FGF12: variants seen among roughly 807,000 people sequenced by gnomAD.
FGF12 encodes the protein fibroblast growth factor 12, also known as fibroblast growth factor 12B.
FGF12 carries 14 observed loss-of-function variants against 23.6 expected under a neutral mutation model. That is an observed-to-expected ratio of 0.59 (90% CI 0.39 to 0.93). The LOEUF is 0.93. FGF12 is among the 40% of genes least tolerant of loss of function. FGF12 has a pLI of 0.00. For missense variants in FGF12, 175 were observed against 217.8 expected, an observed-to-expected ratio of 0.80 and a Z score of 1.24; for synonymous variants, 62 against 77.3, an observed-to-expected ratio of 0.80 and a Z score of 1.04.
At chr3:192,406,106 A>G (rs991222725) in intron 2 of FGF12, among the ~76,000 whole-genome samples, 1 of 152,268 alleles carries the variant, frequency 6.6e-6, no homozygotes, top group African/African-American at 2.4e-5. Flanking sequence ...AGAAAACAAT[A>G]AACTCAGAAA....
chr3:192,538,654 T>G (rs1725293089), intron 2 of FGF12, among the ~76,000 whole-genome samples: 1 of 152,192 alleles, frequency 6.6e-6, no homozygotes, highest in Non-Finnish European at 1.5e-5. Flanking sequence ...TCAAAATTTT[T>G]TTTCTATTTC....
chr3:192,668,194 T>A (rs1716969399), intron 2 of FGF12, among the ~76,000 whole-genome samples: 2 of 150,946 alleles, frequency 1.3e-5, no homozygotes. Context: ...AACGGTAGAA[T>A]AAGTAACTAA....
chr3:192,299,877 T>C (rs1180194081), intron 4 of FGF12, among the ~76,000 whole-genome samples: 1 of 152,208 alleles, frequency 6.6e-6, no homozygotes, highest in Non-Finnish European at 1.5e-5. Flanking sequence ...CAGTCTAAGA[T>C]AGTCTTTCCA....
chr3:192,351,184 C>T (rs1311007153), intron 3 of FGF12, among the ~76,000 whole-genome samples: 1 of 152,010 alleles, frequency 6.6e-6, no homozygotes, highest in Non-Finnish European at 1.5e-5. Context: ...ATCTTGTAGG[C>T]TTGCAAAATT....
intron 4 of FGF12, among the ~76,000 whole-genome samples, chr3:192,284,231 T>C (rs539299820): frequency 1.5e-4 from 23 of 152,272 alleles, no homozygotes; most frequent in African/African-American, 5.3e-4. Context: ...GGAAAGTTCT[T>C]GATGAGGAGG....
In FGF12 at chr3:192,170,186, G is replaced by A. The variant is rs2046918; in HGVS notation, c.427+272C>T. Among the ~76,000 whole-genome samples, 56,044 of 140,394 alleles carry A rather than the reference G, an allele frequency of 0.4. 13,575 individuals are homozygous for A. Among genetic ancestry groups the A allele is most frequent in the African/African-American group, 0.68 (24,743 of 36,364 alleles). 92.1% of individuals were successfully genotyped at this position (140,394 alleles called of 152,430 possible). ...GATTCCCAGCTACTACGGAGGCTGA[G>A]GCAGGAGAATTGCTCGAATCCGGGA... On this transcript the variant is annotated intron_variant, in intron 5 of 5. Coordinates refer to ENST00000445105, the MANE Select transcript of FGF12 (RefSeq NM_004113.6).
intron 4 of FGF12, among the ~76,000 whole-genome samples, chr3:192,293,241 G>GA (rs11306855): frequency 2.7e-4 from 40 of 150,862 alleles, no homozygotes; most frequent in African/African-American, 3.6e-4. Flanking sequence ...GATGTTTACT[G>GA]AAAAAAAAAT....
chr3:192,578,005 T>G (rs904005594), intron 2 of FGF12, among the ~76,000 whole-genome samples: 2 of 152,112 alleles, frequency 1.3e-5, no homozygotes, highest in Admixed American at 6.6e-5. Flanking sequence ...CAAGGTCTAG[T>G]GAAAGGGGTT....
chr3:192,522,026 A>G (rs7635163), intron 2 of FGF12, among the ~76,000 whole-genome samples: 120,834 of 152,004 alleles, frequency 0.79, 49,726 homozygotes, highest in Non-Finnish European at 0.9. Context: ...GTGAAACCCC[A>G]TCTCTACTAA....
At position 192,645,967 on chromosome 3, in the gene FGF12, C is replaced by A. The variant is rs115342527; in HGVS notation, c.13+81214G>T. ...ACTGAGTTGGGGAGTAGGAGATGGTCAGAGCCTCTCTGAAATATGGGCATT... is the reference window on the plus strand; with the variant it reads ...ACTGAGTTGGGGAGTAGGAGATGGTAAGAGCCTCTCTGAAATATGGGCATT... On this transcript the variant is annotated intron_variant, in intron 2 of 5. Transcript: ENST00000445105. 8.4e-3 allele frequency among the ~76,000 whole-genome samples: 1,283 copies of A among 151,944 alleles called. 13 individuals carry two copies. The highest frequency in any genetic ancestry group is 0.029 in the African/African-American group (1,210 of 41,458).
intron 4 of FGF12, among the ~76,000 whole-genome samples, chr3:192,326,193 A>G (rs4687320): frequency 0.22 from 32,878 of 152,126 alleles, 4,242 homozygotes; most frequent in East Asian, 0.35. Context: ...AAAAGCATTA[A>G]GAACAAATTC....
In FGF12 at chr3:192,540,505, C is replaced by T. The variant is rs576445095; in HGVS notation, c.14-179967G>A. 3.5e-4 allele frequency among the ~76,000 whole-genome samples: 53 copies of T among 152,162 alleles called. 1 individual carries two copies. The South Asian group carries it at 8.9e-3, about 26-fold the overall frequency. On this transcript the variant is annotated intron_variant, in intron 2 of 5. Coordinates refer to ENST00000445105, the MANE Select transcript of FGF12 (RefSeq NM_004113.6). ...TATTCCACTGTGGTCACAGAAGATA[C>T]GTGATATAACTTCCAATTTTTTTAA...
intron 2 of FGF12, among the ~76,000 whole-genome samples, chr3:192,679,192 A>G (rs1717432448): frequency 6.6e-6 from 1 of 152,202 alleles, no homozygotes; most frequent in African/African-American, 2.4e-5. Flanking sequence ...TGGGAAATAG[A>G]AGCAGCAGGG....
intron 2 of FGF12, among the ~76,000 whole-genome samples, chr3:192,656,290 C>A (rs1716415984): frequency 1.2e-5 from 1 of 83,470 alleles, no homozygotes; most frequent in Non-Finnish European, 2.8e-5. Context: ...GACACACACA[C>A]ACACACACAC....
At chr3:192,400,257 C>T (rs1184279976) in intron 2 of FGF12, among the ~76,000 whole-genome samples, 2 of 151,946 alleles carry the variant, frequency 1.3e-5, no homozygotes, top group Admixed American at 1.3e-4. Flanking sequence ...ATTCGAAGGC[C>T]AATGAGTGTT....
intron 2 of FGF12, among the ~76,000 whole-genome samples, chr3:192,581,881 T>C (rs1427081149): frequency 1.3e-5 from 2 of 152,318 alleles, no homozygotes; most frequent in Non-Finnish European, 2.9e-5. Context: ...TAAAAGATTA[T>C]AAATACATAT....
intron 4 of FGF12, among the ~76,000 whole-genome samples, chr3:192,214,167 G>A (rs74869556): frequency 0.015 from 2,325 of 152,222 alleles, 47 homozygotes; most frequent in East Asian, 0.051. Context: ...TGTGTGTCAC[G>A]TTTTACATTT....
At chr3:192,536,347 C>A (rs967270347) in intron 2 of FGF12, among the ~76,000 whole-genome samples, 8 of 152,072 alleles carry the variant, frequency 5.3e-5, no homozygotes, top group Admixed American at 5.2e-4. Flanking sequence ...TTGAAATAGA[C>A]AGATTTTAAA....
intron 2 of FGF12, among the ~76,000 whole-genome samples, chr3:192,384,344 T>C (rs3109182): frequency 0.47 from 71,551 of 151,680 alleles, 17,018 homozygotes; most frequent in East Asian, 0.52. Context: ...ATTGATATTT[T>C]ATAAAGACTT....
Sources: gnomAD v4.1 joint callset for allele counts (sites outside exome capture counted in the v4.1 genomes callset) on GRCh38, gnomAD v4.1.1 for gene constraint, MANE v1.5 for transcripts, NCBI Gene and HGNC (gene_info 2026-07-23, HGNC 2026-07-21) for gene names.